HEATR9: variants seen among roughly 807,000 people sequenced by gnomAD.
The protein encoded by HEATR9 is HEAT repeat containing 9, also known as protein HEATR9.
HEATR9 carries 54 observed loss-of-function variants against 68.2 expected under a neutral mutation model. That is an observed-to-expected ratio of 0.79 (90% CI 0.64 to 0.99). HEATR9 has a LOEUF of 0.99. Among genes scored for constraint, HEATR9 ranks in the 50% least tolerant of loss-of-function variants. HEATR9 has a pLI of 0.00. For synonymous variants in HEATR9, 241 were observed against 253.5 expected (o/e 0.95, Z 0.47); for missense variants, 662 against 679.7 (o/e 0.97, Z 0.29).
At chr17:35,858,759 C>T in intron 9 of HEATR9, 129 bp downstream of exon 9, 1 of 1,058,412 alleles carries the variant, frequency 9.4e-7, no homozygotes, top group Admixed American at 2.1e-5. Flanking sequence ...CATACTCATA[C>T]ATGGACATAG....
At chr17:35,859,202 TCTTGCTGTCACCTA>T (rs2087888581) in intron 8 of HEATR9, 132 bp from the exon 9 acceptor site, 1 of 802,598 alleles carries the variant, frequency 1.2e-6, no homozygotes, top group Non-Finnish European at 2.0e-6. Flanking sequence ...ATTAACTTAT[TCTTGCTGTCACCTA>T]CTTGCTTCTA....
chr17:35,854,985 A>G lies in HEATR9; in HGVS notation c.*78T>C. 1 of 1,152,368 alleles carries G rather than the reference A, an allele frequency of 8.7e-7. No individual in the cohort carries two copies. The highest frequency in any genetic ancestry group is 2.2e-5 in the Admixed American group (1 of 45,452). The allele number at this position is 1,152,368 out of a possible 1,614,324, so 71.4% of individuals were successfully genotyped here. ...TGACACTTGTTTATTCACGGAAGATAAGTATAGATTGTTTTCTCATGGGAG... is the reference window on the plus strand; with the variant it reads ...TGACACTTGTTTATTCACGGAAGATGAGTATAGATTGTTTTCTCATGGGAG... On this transcript the variant is annotated 3_prime_UTR_variant, in exon 15 of 15. Transcript: ENST00000604834.
intron 6 of HEATR9, 123 bp from the exon 7 acceptor site, chr17:35,863,682 A>G (rs2088085405): frequency 3.8e-6 from 4 of 1,040,652 alleles, no homozygotes; most frequent in South Asian, 1.4e-5. Flanking sequence ...AAAGTGACCT[A>G]TCTATTCTCA....
intron 11 of HEATR9, among the ~76,000 whole-genome samples, chr17:35,857,019 G>T (rs1444260571): frequency 6.6e-6 from 1 of 152,098 alleles, no homozygotes; most frequent in Non-Finnish European, 1.5e-5. Flanking sequence ...AGTCTTGGGT[G>T]CCAGGAAGAC....
intron 8 of HEATR9, among the ~76,000 whole-genome samples, chr17:35,860,454 A>T (rs556663184): frequency 3.1e-4 from 39 of 127,032 alleles, no homozygotes; most frequent in East Asian, 9.5e-4. Flanking sequence ...CCTTATTTTT[A>T]TTTATTTATT....
At chr17:35,861,429 A>C in intron 8 of HEATR9, 1 of 1,607,236 alleles carries the variant, frequency 6.2e-7, no homozygotes, top group Non-Finnish European at 8.5e-7. Context: ...TAACTTTGCG[A>C]GGATTGCGCT....
At chr17:35,855,488 T>G in intron 14 of HEATR9, 78 bp from the exon 15 acceptor site, 2 of 1,406,882 alleles carry the variant, frequency 1.4e-6, no homozygotes, top group Non-Finnish European at 2.0e-6. Flanking sequence ...GCACCCAAAG[T>G]AGGGGGGAAT....
chr17:35,860,048 C>T (rs1474334984), intron 8 of HEATR9, among the ~76,000 whole-genome samples: 1 of 152,170 alleles, frequency 6.6e-6, no homozygotes, highest in African/African-American at 2.4e-5. Context: ...CCAGTCTCCA[C>T]TTGTGTCTTA....
chr17:35,856,406 G>T (rs1215727504), intron 12 of HEATR9, 182 bp from the exon 13 acceptor site: 3 of 1,490,074 alleles, frequency 2.0e-6, no homozygotes, highest in African/African-American at 1.4e-5. Flanking sequence ...ACCACAGTTT[G>T]CCAGGAGGCA....
rs1367051103 is a variant in HEATR9, at chr17:35,856,799, T to C, written c.1159A>G (p.Arg387Gly). 23 of 1,602,924 alleles carry C rather than the reference T, an allele frequency of 1.4e-5. No individual in the cohort carries two copies. Among genetic ancestry groups the C allele is most frequent in the Non-Finnish European group, 2.0e-5 (23 of 1,174,426 alleles). ...KTHNEPFLAV[R>G]QAVAQTVEEL... ...TCCACAGTTTGAGCCACAGCCTGCC[T>C]CACAGCCTGCAGAGGGATCAAAATG... Residue 387 changes from arginine (R) to glycine (G), a missense_variant, in exon 12 of 15, where the codon AGG (arginine) becomes GGG (glycine). Physicochemically the swap from Arg to Gly is moderately radical, Grantham distance 125. Coordinates refer to ENST00000604834, the MANE Select transcript of HEATR9 (RefSeq NM_152781.4).
In HEATR9 at chr17:35,859,020, C is replaced by T. The variant is rs142854620; in HGVS notation, c.807G>A (p.Leu269=). ...ATGCTTCACTGGACGACTTCTTGAT[C>T]AGTGTCTGTAGTACAGGCACCAGCT... ...EGKLVPVLQT[L]IKKSSSEASL... The change falls in exon 9 of 15, where the codon CTG becomes CTA. Residue 269 remains leucine (L), a synonymous_variant. Transcript: ENST00000604834. The T allele has an allele frequency of 3.1e-5, 50 of 1,614,112 alleles. No homozygotes were observed. Among genetic ancestry groups the T allele is most frequent in the Non-Finnish European group, 4.1e-5 (48 of 1,180,050 alleles).
chr17:35,864,734 C>T (rs368673239), intron 4 of HEATR9, 24 bp downstream of exon 4: 136 of 1,613,364 alleles, frequency 8.4e-5, no homozygotes, highest in Non-Finnish European at 1.1e-4. Context: ...GAGTCCCCCA[C>T]GTCCTCTCCC....
At chr17:35,860,798 A>G (rs1019014519) in intron 8 of HEATR9, among the ~76,000 whole-genome samples, 1 of 151,598 alleles carries the variant, frequency 6.6e-6, no homozygotes, top group African/African-American at 2.4e-5. Flanking sequence ...CTATTTATTT[A>G]TTTTTGGGAG....
chr17:35,861,040 G>C, intron 8 of HEATR9: 1 of 746,456 alleles, frequency 1.3e-6, no homozygotes, highest in South Asian at 1.4e-5. Flanking sequence ...AGCGAGATTC[G>C]GTCTCAAAAA....
intron 5 of HEATR9, 50 bp from the exon 6 acceptor site, chr17:35,864,352 C>G (rs2088116928): frequency 1.3e-6 from 2 of 1,544,430 alleles, no homozygotes; most frequent in African/African-American, 2.7e-5. Flanking sequence ...ACATCATCCC[C>G]AGGAGTTACC....
chr17:35,863,468 C>T (rs2143947706), intron 7 of HEATR9, 34 bp downstream of exon 7: 1 of 1,609,250 alleles, frequency 6.2e-7, no homozygotes, highest in Non-Finnish European at 8.5e-7. Flanking sequence ...GTTGCACTTT[C>T]TCAACTCCCC....
chr17:35,864,217 T>A, intron 6 of HEATR9, 29 bp downstream of exon 6: 3 of 1,587,224 alleles, frequency 1.9e-6, no homozygotes, highest in Non-Finnish European at 2.6e-6. Context: ...TTTCCTTCTT[T>A]CCTGAACTCC....
chr17:35,868,200 G>A (rs916775447), intron 1 of HEATR9, among the ~76,000 whole-genome samples: 2 of 152,238 alleles, frequency 1.3e-5, no homozygotes, highest in Non-Finnish European at 2.9e-5. Context: ...GGAAACAAAT[G>A]TGAAGATAGA....
chr17:35,865,212 C>G lies in HEATR9; in HGVS notation c.320+3G>C, dbSNP rs562179157. On this transcript the variant is annotated splice_donor_region_variant and intron_variant, in intron 3 of 14. Transcript: ENST00000604834. ...GAAGAATATGGAGGCCAGCAAAACACACCTACAGTCATCTCTCATTTTCCT... is the reference window on the plus strand; with the variant it reads ...GAAGAATATGGAGGCCAGCAAAACAGACCTACAGTCATCTCTCATTTTCCT... The G allele has an allele frequency of 3.1e-6, 5 of 1,612,454 alleles. No homozygotes were observed. The highest frequency in any genetic ancestry group is 2.5e-6 in the Non-Finnish European group (3 of 1,179,140).
Sources: gnomAD v4.1 joint callset for allele counts (sites outside exome capture counted in the v4.1 genomes callset) on GRCh38, gnomAD v4.1.1 for gene constraint, MANE v1.5 for transcripts, NCBI Gene and HGNC (gene_info 2026-07-23, HGNC 2026-07-21) for gene names.